The following RPS6KC1 variants were observed in gnomAD, a reference collection of about 807,000 sequenced individuals.
RPS6KC1 encodes the protein inactive ribosomal protein S6 kinase delta-1.
A neutral mutation model predicts 103.8 loss-of-function variants in RPS6KC1; 54 were observed. That is an observed-to-expected ratio of 0.52 (90% CI 0.42 to 0.65). RPS6KC1 has a LOEUF of 0.65. RPS6KC1 is among the 30% of genes least tolerant of loss of function. RPS6KC1 has a pLI of 0.00. For synonymous variants in RPS6KC1, 439 were observed against 438.7 expected, an observed-to-expected ratio of 1.00 and a Z score of -0.01; for missense variants, 1,151 against 1,253.8, an observed-to-expected ratio of 0.92 and a Z score of 1.24.
chr1:213,059,464 A>G (rs1043409405), intron 1 of RPS6KC1, among the ~76,000 whole-genome samples: 3 of 152,112 alleles, frequency 2.0e-5, no homozygotes, highest in African/African-American at 7.2e-5. Flanking sequence ...ATCCTCTAGT[A>G]TAATTTTCAC....
the RPS6KC1 span, among the ~76,000 whole-genome samples, chr1:213,349,067 G>A: frequency 6.6e-6 from 1 of 152,148 alleles, no homozygotes; most frequent in Non-Finnish European, 1.5e-5. Context: ...CAACCATCCT[G>A]TTGCTAATCA....
chr1:213,377,210 A>C, the RPS6KC1 span, among the ~76,000 whole-genome samples: 1 of 152,198 alleles, frequency 6.6e-6, no homozygotes, highest in African/African-American at 2.4e-5. Context: ...GTGGAGAGCA[A>C]ATTCCTGAAT....
chr1:213,493,394 G>A, the RPS6KC1 span, among the ~76,000 whole-genome samples: 102,101 of 152,016 alleles, frequency 0.67, 34,718 homozygotes, highest in East Asian at 0.98. Context: ...AGGCTCTGAT[G>A]TAGCTCTCAC....
chr1:213,327,037 TTTC>T, the RPS6KC1 span, among the ~76,000 whole-genome samples: 1 of 151,870 alleles, frequency 6.6e-6, no homozygotes, highest in South Asian at 2.1e-4. Flanking sequence ...CTTTTTTCTT[TTTC>T]TTTTTTTTTT....
intron 12 of RPS6KC1, among the ~76,000 whole-genome samples, chr1:213,244,351 ACATG>A (rs534662365): frequency 8.5e-4 from 129 of 152,286 alleles, no homozygotes; most frequent in Admixed American, 3.4e-3. Flanking sequence ...CAAGCCTGTT[ACATG>A]CTAAAGTGAA....
intron 12 of RPS6KC1, among the ~76,000 whole-genome samples, chr1:213,253,351 C>T (rs1280435364): frequency 6.6e-6 from 1 of 152,138 alleles, no homozygotes; most frequent in Non-Finnish European, 1.5e-5. Context: ...TGTGTCTTAA[C>T]ACATATCTGT....
At chr1:213,497,558 T>C in the RPS6KC1 span, among the ~76,000 whole-genome samples, 584 of 152,248 alleles carry the variant, frequency 3.8e-3, 1 homozygote, top group Middle Eastern at 0.01. Context: ...TCCAAACACA[T>C]TGGATGCAAC....
chr1:213,659,914 A>C, the RPS6KC1 span, among the ~76,000 whole-genome samples: 2 of 152,234 alleles, frequency 1.3e-5, no homozygotes, highest in African/African-American at 4.8e-5. Context: ...CTGATAATAC[A>C]TCCATAATTA....
the RPS6KC1 span, among the ~76,000 whole-genome samples, chr1:213,400,030 A>C: frequency 6.6e-6 from 1 of 152,186 alleles, no homozygotes; most frequent in Non-Finnish European, 1.5e-5. Flanking sequence ...AATCACTTGA[A>C]AGATCAGCAG....
At chr1:213,283,709 A>C in the RPS6KC1 span, among the ~76,000 whole-genome samples, 1 of 152,110 alleles carries the variant, frequency 6.6e-6, no homozygotes, top group South Asian at 2.1e-4. Context: ...GCTGGGCCCT[A>C]TGCTTAGGAG....
At chr1:213,615,316 G>A in the RPS6KC1 span, among the ~76,000 whole-genome samples, 3,804 of 152,330 alleles carry the variant, frequency 0.025, 81 homozygotes, top group Middle Eastern at 0.085. Context: ...GGAGCCAGCA[G>A]CACATGGAAG....
the RPS6KC1 span, among the ~76,000 whole-genome samples, chr1:213,510,468 C>A: frequency 3.7e-3 from 562 of 152,282 alleles, 2 homozygotes; most frequent in South Asian, 9.5e-3. Context: ...CCCCTAACTT[C>A]ATATTGTGAA....
At position 213,078,861 on chromosome 1, in the gene RPS6KC1, C is replaced by T. The variant is rs548835624; in HGVS notation, c.262+1045C>T. Among the ~76,000 whole-genome samples the T allele has an allele frequency of 5.3e-4, 80 of 151,956 alleles. No homozygotes were observed. The South Asian group carries it at 8.3e-3, about 16-fold the overall frequency. ...AGGTGGTACAGAAAAATACTTAAAA[C>T]GTAAAGAGAAATTCAGCAATAATAC... is the stretch of plus-strand genomic sequence containing the variant. On this transcript the variant is annotated intron_variant, in intron 3 of 14. Coordinates refer to ENST00000366960, the MANE Select transcript of RPS6KC1 (RefSeq NM_012424.6).
chr1:213,799,954 T>G, the RPS6KC1 span, among the ~76,000 whole-genome samples: 1 of 152,184 alleles, frequency 6.6e-6, no homozygotes, highest in African/African-American at 2.4e-5. Flanking sequence ...ATGCTCTTTT[T>G]GTCTTTAGAT....
At chr1:213,493,307 T>A in the RPS6KC1 span, among the ~76,000 whole-genome samples, 1 of 152,216 alleles carries the variant, frequency 6.6e-6, no homozygotes, top group Admixed American at 6.5e-5. Context: ...ATCCCTGAGC[T>A]TTCTATATTG....
the RPS6KC1 span, among the ~76,000 whole-genome samples, chr1:213,602,820 G>A: frequency 2.0e-5 from 3 of 152,162 alleles, no homozygotes; most frequent in East Asian, 5.8e-4. Context: ...CTTAGAGTTT[G>A]GGGGCTTTAT....
the RPS6KC1 span, among the ~76,000 whole-genome samples, chr1:213,738,963 T>C: frequency 1.3e-5 from 2 of 151,200 alleles, no homozygotes; most frequent in African/African-American, 2.4e-5. Flanking sequence ...TTAGAGAACA[T>C]AGAAGAGCCA....
At chr1:213,337,360 T>G in the RPS6KC1 span, among the ~76,000 whole-genome samples, 1 of 152,200 alleles carries the variant, frequency 6.6e-6, no homozygotes, top group Non-Finnish European at 1.5e-5. Flanking sequence ...ATTAACAAGA[T>G]ATATGGTCTT....
chr1:213,086,142 G>A (rs768664442), intron 3 of RPS6KC1, among the ~76,000 whole-genome samples: 1 of 152,112 alleles, frequency 6.6e-6, no homozygotes, highest in African/African-American at 2.4e-5. Flanking sequence ...TTTTCCAGCT[G>A]GTATGGATGA....
Sources: gnomAD v4.1 joint callset for allele counts (sites outside exome capture counted in the v4.1 genomes callset) on GRCh38, gnomAD v4.1.1 for gene constraint, MANE v1.5 for transcripts, NCBI Gene and HGNC (gene_info 2026-07-23, HGNC 2026-07-21) for gene names.